Variants in UBE2N observed in about 807,000 individuals in gnomAD.
The protein encoded by UBE2N is ubiquitin conjugating enzyme E2 N.
For missense variants in UBE2N, 60 were observed against 192.1 expected, an observed-to-expected ratio of 0.31 and a Z score of 4.07; for synonymous variants, 70 against 69.2, an observed-to-expected ratio of 1.01 and a Z score of -0.06.
At chr12:93,428,061 G>A (rs1006954860) in intron 1 of UBE2N, among the ~76,000 whole-genome samples, 3 of 152,086 alleles carry the variant, frequency 2.0e-5, no homozygotes, top group Non-Finnish European at 4.4e-5. Flanking sequence ...TGGGACTACA[G>A]ACATGTGCCA....
Position 93,409,184 on chromosome 12 carries a change from T to G in UBE2N, c.*855A>C, listed in dbSNP as rs1877958423. ...TATAAATACTCCATTCAGTACTATCTTAACACAAATCTGCATCAGTGAAAA... is the reference window on the plus strand; with the variant it reads ...TATAAATACTCCATTCAGTACTATCGTAACACAAATCTGCATCAGTGAAAA... On this transcript the variant is annotated 3_prime_UTR_variant, in exon 4 of 4. Transcript: ENST00000318066. 1.3e-5 allele frequency: 2 copies of G among 152,646 alleles called. No individual in the cohort carries two copies. Among genetic ancestry groups the G allele is most frequent in the South Asian group, 4.1e-4 (2 of 4,834 alleles). The allele number at this position is 152,646 out of a possible 1,614,324, so 9.5% of individuals were successfully genotyped here.
At chr12:93,432,485 AAAAAC>A (rs200670705) in intron 1 of UBE2N, among the ~76,000 whole-genome samples, 7,681 of 151,466 alleles carry the variant, frequency 0.051, 251 homozygotes, top group Middle Eastern at 0.12. Flanking sequence ...ACAAAAAAAA[AAAAAC>A]AAAACAAAAC....
chr12:93,438,158 T>A (rs1272292207), intron 1 of UBE2N, among the ~76,000 whole-genome samples: 1 of 152,246 alleles, frequency 6.6e-6, no homozygotes, highest in African/African-American at 2.4e-5. Context: ...TGCCAAGGAT[T>A]GGTCTAGGCA....
rs147882731 is a variant in UBE2N at position 93,429,376 on chromosome 12, T to C, written c.30+12479A>G. ...GACTTACTGAGAAAAAAAATTCTCGTTTAAAATTAGTCTGATTCAGTGGTA... is the reference window on the plus strand; with the variant it reads ...GACTTACTGAGAAAAAAAATTCTCGCTTAAAATTAGTCTGATTCAGTGGTA... On this transcript the variant is annotated intron_variant, in intron 1 of 3. Transcript: ENST00000318066. 8.7e-3 allele frequency: 3,503 copies of C among 402,956 alleles called. 35 individuals carry two copies. Among genetic ancestry groups the C allele is most frequent in the Non-Finnish European group, 0.014 (2,818 of 208,412 alleles). The allele number at this position is 402,956 out of a possible 1,614,324, so 25.0% of individuals were successfully genotyped here. A position where few individuals can be genotyped will look rare whatever the true frequency, so the allele number is the denominator to read the frequency against.
rs1296353232 is a variant in UBE2N, at chr12:93,408,704, T to A, written c.*1335A>T. ...TTCCAAATTAAAGAATAAAACGAGC[T>A]CCCACAGCAAATACTGGAGGGATGA... On this transcript the variant is annotated 3_prime_UTR_variant, in exon 4 of 4. Coordinates refer to ENST00000318066, the MANE Select transcript of UBE2N (RefSeq NM_003348.4). 1 of 152,076 alleles carries A rather than the reference T, an allele frequency of 6.6e-6. No homozygotes were observed. The highest frequency in any genetic ancestry group is 1.5e-5 in the Non-Finnish European group (1 of 68,016). The allele number at this position is 152,076 out of a possible 1,614,324, so 9.4% of individuals were successfully genotyped here. A position where few individuals can be genotyped will look rare whatever the true frequency, so the allele number is the denominator to read the frequency against.
intron 1 of UBE2N, among the ~76,000 whole-genome samples, chr12:93,435,332 G>GC (rs1422674087): frequency 1.3e-5 from 2 of 152,110 alleles, no homozygotes; most frequent in African/African-American, 4.8e-5. Context: ...AATCAGCTGG[G>GC]CGTGGTGGCA....
chr12:93,409,835 C>G lies in UBE2N; in HGVS notation c.*204G>C. On this transcript the variant is annotated 3_prime_UTR_variant, in exon 4 of 4. Coordinates refer to ENST00000318066, the MANE Select transcript of UBE2N (RefSeq NM_003348.4). ...ACGTTTCACAACAATCCAGATGATA[C>G]TTCTAGCCTCTGCTCATGCTTTATG... The G allele has an allele frequency of 1.7e-6, 1 of 593,948 alleles. No homozygotes were observed. The highest frequency in any genetic ancestry group is 3.0e-6 in the Non-Finnish European group (1 of 331,650). The allele number at this position is 593,948 out of a possible 1,614,324, so 36.8% of individuals were successfully genotyped here. A position where few individuals can be genotyped will look rare whatever the true frequency, so the allele number is the denominator to read the frequency against.
At chr12:93,441,689 C>T (rs1481307677) in intron 1 of UBE2N, among the ~76,000 whole-genome samples, 166 bp downstream of exon 1, 1 of 151,440 alleles carries the variant, frequency 6.6e-6, no homozygotes, top group Non-Finnish European at 1.5e-5. Context: ...CCCGGCGCCC[C>T]CTCCTCAGCA....
chr12:93,410,436 C>T (rs1034147275), intron 3 of UBE2N: 1 of 517,266 alleles, frequency 1.9e-6, no homozygotes, highest in African/African-American at 1.9e-5. Context: ...GTTACAAAAA[C>T]AGTTCAAGTT....
intron 1 of UBE2N, among the ~76,000 whole-genome samples, chr12:93,440,786 C>A (rs1336498974): frequency 6.6e-6 from 1 of 152,208 alleles, no homozygotes; most frequent in East Asian, 1.9e-4. Context: ...GAATATCTCA[C>A]GTCTGAAGAC....
chr12:93,421,468 A>C (rs1180385622), intron 1 of UBE2N, among the ~76,000 whole-genome samples: 1 of 152,092 alleles, frequency 6.6e-6, no homozygotes, highest in East Asian at 1.9e-4. Flanking sequence ...CATGTTTCCT[A>C]ATCTTGATGG....
intron 1 of UBE2N, among the ~76,000 whole-genome samples, chr12:93,440,607 T>C (rs1039607056): frequency 1.3e-5 from 2 of 152,168 alleles, no homozygotes; most frequent in Non-Finnish European, 2.9e-5. Flanking sequence ...TCCCCACAGA[T>C]TTCACAAGAA....
At chr12:93,440,910 CA>C (rs1208696400) in intron 1 of UBE2N, among the ~76,000 whole-genome samples, 4 of 151,416 alleles carry the variant, frequency 2.6e-5, no homozygotes, top group Non-Finnish European at 5.9e-5. Flanking sequence ...TTAAAACGCA[CA>C]AAATTGAGGG....
At chr12:93,425,720 G>C (rs1878560465) in intron 1 of UBE2N, among the ~76,000 whole-genome samples, 1 of 152,152 alleles carries the variant, frequency 6.6e-6, no homozygotes, top group Non-Finnish European at 1.5e-5. Flanking sequence ...AAAAAGACTT[G>C]CAAGACTCCA....
intron 1 of UBE2N, among the ~76,000 whole-genome samples, chr12:93,421,701 C>A (rs1222904584): frequency 6.6e-6 from 1 of 151,894 alleles, no homozygotes; most frequent in Non-Finnish European, 1.5e-5. Flanking sequence ...AGGAAAAAAA[C>A]TGATTTGATT....
chr12:93,431,096 G>A (rs930782710), intron 1 of UBE2N, among the ~76,000 whole-genome samples: 5 of 151,982 alleles, frequency 3.3e-5, no homozygotes, highest in African/African-American at 1.2e-4. Flanking sequence ...GTGTGGTGGC[G>A]GGCACCTGTA....
intron 1 of UBE2N, among the ~76,000 whole-genome samples, chr12:93,431,397 T>C (rs549108888): frequency 1.4e-4 from 21 of 152,334 alleles, no homozygotes; most frequent in African/African-American, 4.8e-4. Flanking sequence ...TTCTTCAGTA[T>C]CCACAGTCTA....
intron 1 of UBE2N, among the ~76,000 whole-genome samples, chr12:93,422,437 G>A (rs1025320629): frequency 1.3e-5 from 2 of 152,210 alleles, no homozygotes; most frequent in African/African-American, 4.8e-5. Flanking sequence ...TGAAAAGAAA[G>A]GACCTAGCTT....
chr12:93,436,351 G>A (rs555179658), intron 1 of UBE2N, among the ~76,000 whole-genome samples: 1 of 152,276 alleles, frequency 6.6e-6, no homozygotes, highest in African/African-American at 2.4e-5. Flanking sequence ...GGATCCTCCC[G>A]CCTCAGCCTC....
Sources: allele counts gnomAD v4.1 joint callset (sites outside exome capture counted in the v4.1 genomes callset), GRCh38; gene constraint gnomAD v4.1.1; transcripts MANE v1.5; gene names NCBI Gene and HGNC (gene_info 2026-07-23, HGNC 2026-07-21).